OPA3: variants seen among roughly 807,000 people sequenced by gnomAD.
OPA3 encodes optic atrophy 3 protein.
Under a neutral mutation model 4.0 loss-of-function variants are expected in OPA3, and 6 were observed. The ratio of observed to expected loss-of-function variants is 1.51; its 90% CI spans 0.83 to 2.99. The LOEUF (loss-of-function observed/expected upper bound fraction) is 2.99. OPA3 is among the 30% of genes most tolerant of loss of function. The probability of loss-of-function intolerance (pLI) is 0.00; values close to 1 mark genes in which losing one functional copy is unlikely to be tolerated. For synonymous variants in OPA3, 105 were observed against 117.1 expected, an observed-to-expected ratio of 0.90 and a Z score of 0.67; for missense variants, 235 against 256.2, an observed-to-expected ratio of 0.92 and a Z score of 0.56.
intron 1 of OPA3, among the ~76,000 whole-genome samples, chr19:45,579,753 T>G (rs1969819241): frequency 6.6e-6 from 1 of 151,990 alleles, no homozygotes; most frequent in African/African-American, 2.4e-5. Context: ...ATAATAATAA[T>G]AATAATAATA....
chr19:45,583,633 C>G (rs1405867638), intron 1 of OPA3, among the ~76,000 whole-genome samples: 2 of 152,092 alleles, frequency 1.3e-5, no homozygotes, highest in Admixed American at 6.6e-5. Flanking sequence ...TCCCAAGTAG[C>G]TGGGATTACA....
rs1430363262 is a variant in OPA3, at chr19:45,549,932, C to A, written c.*3582G>T. 1.7e-5 allele frequency: 16 copies of A among 937,894 alleles called. No homozygotes were observed. The South Asian group carries it at 6.4e-4, about 37-fold the overall frequency. 58.1% of individuals were successfully genotyped at this position (937,894 alleles called of 1,614,324 possible). A position where few individuals can be genotyped will look rare whatever the true frequency, so the allele number is the denominator to read the frequency against. ...CAGCACTTTGGGAGGCCGAGGCGGGCGGATTACCTGAGGTCAGGAGTTCAA... is the reference window on the plus strand; with the variant it reads ...CAGCACTTTGGGAGGCCGAGGCGGGAGGATTACCTGAGGTCAGGAGTTCAA... On this transcript the variant is annotated 3_prime_UTR_variant, in exon 2 of 2. Transcript: ENST00000263275.
intron 1 of OPA3, among the ~76,000 whole-genome samples, chr19:45,574,408 A>C (rs1057026729): frequency 6.6e-6 from 1 of 151,548 alleles, no homozygotes; most frequent in African/African-American, 2.4e-5. Flanking sequence ...AAAAAAAAAA[A>C]AAAAAAGAAA....
At chr19:45,541,943 C>T (rs544945865), downstream of OPA3, among the ~76,000 whole-genome samples, 12 of 152,234 alleles carry the variant, frequency 7.9e-5, no homozygotes, top group East Asian at 2.3e-3. Flanking sequence ...AGTAGGTCCA[C>T]GGCAGTGGTA....
chr19:45,572,805 CTA>C (rs972185101), intron 1 of OPA3, among the ~76,000 whole-genome samples: 2 of 83,020 alleles, frequency 2.4e-5, no homozygotes, highest in African/African-American at 8.0e-5. Context: ...ATATATCATA[CTA>C]TATATATAGA....
Position 45,549,374 on chromosome 19 carries a change from AGGGC to A in OPA3, c.*4136_*4139del. ...GACTGGCTGCCTGTCAGGGCAGGGC[AGGGC>A]AGGGCTGAGTGCGAAGTCTCTGAGA... On this transcript the variant is annotated 3_prime_UTR_variant, in exon 2 of 2. Coordinates refer to ENST00000263275, the MANE Select transcript of OPA3 (RefSeq NM_025136.4). 2 of 985,276 alleles carry A rather than the reference AGGGC, an allele frequency of 2.0e-6. No individual in the cohort carries two copies. The highest frequency in any genetic ancestry group is 2.4e-6 in the Non-Finnish European group (2 of 829,876). 61.0% of individuals were successfully genotyped at this position (985,276 alleles called of 1,614,324 possible).
At chr19:45,536,547 T>G (rs1444483063) in intron 1 of OPA3, among the ~76,000 whole-genome samples, 1 of 98,298 alleles carries the variant, frequency 1.0e-5, no homozygotes, top group African/African-American at 4.4e-5. Context: ...AAACTCTGTC[T>G]CAAAAAAAAA....
At chr19:45,528,415 A>G (rs1357758688) in exon 2 of OPA3, 1 of 152,770 alleles carries the variant, frequency 6.5e-6, no homozygotes, top group African/African-American at 2.4e-5. Context: ...GACAGGTACT[A>G]AGATGGATTA....
In OPA3 at chr19:45,553,775, G is replaced by T; in HGVS notation, c.279C>A (p.Gly93=). The part of the protein sequence containing the change: ...LLGEATIFIV[G]GGCLVLEYWR... ...AGTACTCCAGCACTAGGCAGCCGCC[G>T]CCCACGATGAAGATGGTGGCTTCGC... Residue 93 remains glycine (G), a synonymous_variant, in exon 2 of 2, where the codon GGC becomes GGA. Transcript: ENST00000263275. 6.2e-7 allele frequency: 1 copy of T among 1,612,868 alleles called. No homozygotes were observed.
intron 1 of OPA3, among the ~76,000 whole-genome samples, chr19:45,579,345 T>A (rs1969812703): frequency 6.6e-6 from 1 of 152,092 alleles, no homozygotes; most frequent in African/African-American, 2.4e-5. Context: ...CTAAGCCTCC[T>A]AAGTAACTGG....
intron 1 of OPA3, among the ~76,000 whole-genome samples, chr19:45,576,533 C>T (rs1274992662): frequency 1.4e-5 from 1 of 70,206 alleles, no homozygotes; most frequent in Non-Finnish European, 3.6e-5. Flanking sequence ...AATGAAACTC[C>T]ATCCCCCCCC....
intron 1 of OPA3, among the ~76,000 whole-genome samples, chr19:45,540,095 G>C (rs1440530508): frequency 6.6e-6 from 1 of 152,052 alleles, no homozygotes; most frequent in South Asian, 2.1e-4. Context: ...GAGGCAGGTG[G>C]ATCACGAGCT....
At chr19:45,566,504 C>G (rs867294024) in intron 1 of OPA3, among the ~76,000 whole-genome samples, 9 of 150,806 alleles carry the variant, frequency 6.0e-5, no homozygotes, top group Middle Eastern at 3.5e-3. Flanking sequence ...CGGAGTCTCG[C>G]TCTGTCGCCC....
chr19:45,530,375 C>G (rs957430228), intron 1 of OPA3, among the ~76,000 whole-genome samples: 1 of 151,850 alleles, frequency 6.6e-6, no homozygotes, highest in East Asian at 1.9e-4. Flanking sequence ...AAAATTGTAA[C>G]TTGATTTTTC....
At chr19:45,533,213 T>A (rs2122377138) in intron 1 of OPA3, among the ~76,000 whole-genome samples, 1 of 149,292 alleles carries the variant, frequency 6.7e-6, no homozygotes, top group East Asian at 2.0e-4. Context: ...CTTTTTTTTT[T>A]AAGGCGGAGT....
At chr19:45,568,135 A>G (rs1969610279) in intron 1 of OPA3, among the ~76,000 whole-genome samples, 1 of 152,118 alleles carries the variant, frequency 6.6e-6, no homozygotes, top group African/African-American at 2.4e-5. Flanking sequence ...AAATGCTGGT[A>G]TTACGGGTGT....
In OPA3 at chr19:45,550,686, A is replaced by T. The variant is rs1213226295; in HGVS notation, c.*2828T>A. ...GACTCTTGGGCCTCTCCCCATCAGAACCCTCCCAGTTTCCCTCCTGATTTT... is the reference window on the plus strand; with the variant it reads ...GACTCTTGGGCCTCTCCCCATCAGATCCCTCCCAGTTTCCCTCCTGATTTT... On this transcript the variant is annotated 3_prime_UTR_variant, in exon 2 of 2. Transcript: ENST00000263275. 1.0e-6 allele frequency: 1 copy of T among 985,584 alleles called. No homozygotes were observed. Among genetic ancestry groups the T allele is most frequent in the Admixed American group, 6.2e-5 (1 of 16,228 alleles). 61.1% of individuals were successfully genotyped at this position (985,584 alleles called of 1,614,324 possible).
chr19:45,550,187 G>A lies in OPA3; in HGVS notation c.*3327C>T. 1.0e-6 allele frequency: 1 copy of A among 983,782 alleles called. No individual in the cohort carries two copies. The highest frequency in any genetic ancestry group is 1.2e-6 in the Non-Finnish European group (1 of 828,516). The allele number at this position is 983,782 out of a possible 1,614,324, so 60.9% of individuals were successfully genotyped here. ...AAAGAAAAGAAAAAAGAAGAGAAAA[G>A]AAGAAAAGAAAAGTTTCAGAACCTG... On this transcript the variant is annotated 3_prime_UTR_variant, in exon 2 of 2. Coordinates refer to ENST00000263275, the MANE Select transcript of OPA3 (RefSeq NM_025136.4).
intron 1 of OPA3, among the ~76,000 whole-genome samples, chr19:45,536,598 T>C (rs925635738): frequency 2.1e-5 from 3 of 145,608 alleles, no homozygotes; most frequent in Admixed American, 2.0e-4. Flanking sequence ...AGAATAGTAA[T>C]ACTGAAGAGA....
Sources: allele counts gnomAD v4.1 joint callset (sites outside exome capture counted in the v4.1 genomes callset), GRCh38; gene constraint gnomAD v4.1.1; transcripts MANE v1.5; gene names NCBI Gene and HGNC (gene_info 2026-07-23, HGNC 2026-07-21).